KCND2: variants seen among roughly 807,000 people sequenced by gnomAD.
KCND2 encodes A-type voltage-gated potassium channel KCND2.
In KCND2, 16 loss-of-function variants were observed where a neutral mutation model predicts 54.4. The ratio of observed to expected loss-of-function variants is 0.29; its 90% confidence interval spans 0.20 to 0.45. The LOEUF is 0.45. KCND2 is among the 20% of genes least tolerant of loss of function. The pLI, the probability that KCND2 is intolerant of heterozygous loss-of-function variation, is 1.00. For missense variants in KCND2, 486 were observed against 824.2 expected (o/e 0.59, Z 5.02); for synonymous variants, 317 against 310.7 (o/e 1.02, Z -0.21).
Position 120,586,592 on chromosome 7 carries a change from C to T in KCND2, c.1116-146311C>T, listed in dbSNP as rs190557469. Among the ~76,000 whole-genome samples, 814 of 152,176 alleles carry T rather than the reference C, an allele frequency of 5.3e-3. 12 individuals carry two copies. The highest frequency in any genetic ancestry group is 0.017 in the African/African-American group (721 of 41,514). On this transcript the variant is annotated intron_variant, in intron 1 of 5. Transcript: ENST00000331113. Reference sequence around the variant, plus strand: ...CTCCCTTTTCTTTACTGTATGAGTCCGTATTCTTGCACATTTTGTAGACTG... The same window carrying T: ...CTCCCTTTTCTTTACTGTATGAGTCTGTATTCTTGCACATTTTGTAGACTG...
At chr7:120,721,998 A>G (rs975723812) in intron 1 of KCND2, among the ~76,000 whole-genome samples, 1 of 152,152 alleles carries the variant, frequency 6.6e-6, no homozygotes, top group Non-Finnish European at 1.5e-5. Flanking sequence ...GCCAGCTGCC[A>G]TGTAAGATGT....
In KCND2 at chr7:120,380,508, C is replaced by T. The variant is rs908758243; in HGVS notation, c.1115+104761C>T. On this transcript the variant is annotated intron_variant, in intron 1 of 5. Coordinates refer to ENST00000331113, the MANE Select transcript of KCND2 (RefSeq NM_012281.3). ...TTTGGGAAGTAAGAAAAATAAAAGA[C>T]AATACAAAACAATTGAAAGAGTCAC... 4.6e-5 allele frequency among the ~76,000 whole-genome samples: 7 copies of T among 151,910 alleles called. No homozygotes were observed. In the South Asian group the frequency reaches 6.2e-4, roughly 13 times the overall value.
At chr7:120,741,691 C>T in intron 3 of KCND2, 62 bp downstream of exon 3, 1 of 1,099,564 alleles carries the variant, frequency 9.1e-7, no homozygotes, top group South Asian at 1.3e-5. Context: ...TGATTTAGTT[C>T]TACTTTCCTA....
At chr7:120,528,130 C>G (rs1326917396) in intron 1 of KCND2, among the ~76,000 whole-genome samples, 1 of 152,114 alleles carries the variant, frequency 6.6e-6, no homozygotes, top group Admixed American at 6.6e-5. Flanking sequence ...CCAATACTCT[C>G]AGGCCCACAG....
chr7:120,343,538 G>A (rs1800271873), intron 1 of KCND2, among the ~76,000 whole-genome samples: 1 of 152,188 alleles, frequency 6.6e-6, no homozygotes, highest in South Asian at 2.1e-4. Context: ...TTAGTCTGAA[G>A]AGGAAATAGG....
chr7:120,487,620 C>T (rs894236915), intron 1 of KCND2, among the ~76,000 whole-genome samples: 6 of 152,234 alleles, frequency 3.9e-5, no homozygotes, highest in East Asian at 1.9e-4. Flanking sequence ...GTCTCCCTAC[C>T]CAGGTGGGAG....
chr7:120,359,369 C>T (rs1800557911), intron 1 of KCND2, among the ~76,000 whole-genome samples: 1 of 152,048 alleles, frequency 6.6e-6, no homozygotes, highest in African/African-American at 2.4e-5. Context: ...TTGACCTTTT[C>T]ATTATAGCAT....
chr7:120,448,555 T>G (rs936452366), intron 1 of KCND2, among the ~76,000 whole-genome samples: 1 of 152,082 alleles, frequency 6.6e-6, no homozygotes, highest in African/African-American at 2.4e-5. Flanking sequence ...AGTAAACGGA[T>G]GTCTAACTAA....
At chr7:120,371,075 T>C (rs1800757662) in intron 1 of KCND2, among the ~76,000 whole-genome samples, 1 of 152,084 alleles carries the variant, frequency 6.6e-6, no homozygotes. Flanking sequence ...TCTTGGGACA[T>C]GTCTCTATCG....
chr7:120,335,407 T>C (rs1415346775), intron 1 of KCND2, among the ~76,000 whole-genome samples: 2 of 148,342 alleles, frequency 1.3e-5, no homozygotes, highest in Non-Finnish European at 3.0e-5. Context: ...ATGAACCTGA[T>C]AGCAGGCCTT....
At chr7:120,403,583 G>A (rs948389523) in intron 1 of KCND2, among the ~76,000 whole-genome samples, 3 of 151,314 alleles carry the variant, frequency 2.0e-5, no homozygotes, top group Admixed American at 6.6e-5. Context: ...ACCTGCCTAG[G>A]CCTCCCAAAG....
chr7:120,322,237 T>C (rs1331395008), intron 1 of KCND2, among the ~76,000 whole-genome samples: 1 of 152,124 alleles, frequency 6.6e-6, no homozygotes, highest in Non-Finnish European at 1.5e-5. Context: ...ATAGCACTTT[T>C]CTATGTCAAA....
intron 1 of KCND2, among the ~76,000 whole-genome samples, chr7:120,487,197 C>T (rs929981713): frequency 1.3e-5 from 2 of 151,950 alleles, no homozygotes; most frequent in Non-Finnish European, 2.9e-5. Flanking sequence ...ATCTACTGCT[C>T]TTACTAGAAA....
At chr7:120,369,425 G>T (rs1323296511) in intron 1 of KCND2, among the ~76,000 whole-genome samples, 1 of 152,066 alleles carries the variant, frequency 6.6e-6, no homozygotes, top group African/African-American at 2.4e-5. Flanking sequence ...ATGCTTCACT[G>T]GTTGCAATTA....
chr7:120,699,384 T>C (rs1217209232), intron 1 of KCND2, among the ~76,000 whole-genome samples: 4 of 152,236 alleles, frequency 2.6e-5, no homozygotes, highest in African/African-American at 9.6e-5. Flanking sequence ...AAGCATTTCT[T>C]GAGCTTCTTA....
intron 1 of KCND2, among the ~76,000 whole-genome samples, chr7:120,567,022 A>G (rs1006518413): frequency 1.3e-5 from 2 of 152,148 alleles, no homozygotes; most frequent in African/African-American, 4.8e-5. Context: ...TTGCATTTTT[A>G]GAAATGGAAA....
chr7:120,385,279 C>T (rs1005677330), intron 1 of KCND2, among the ~76,000 whole-genome samples: 13 of 151,944 alleles, frequency 8.6e-5, no homozygotes, highest in African/African-American at 3.1e-4. Context: ...AGACATGAGC[C>T]ACCATGCCCG....
At chr7:120,727,164 A>G (rs1356556841) in intron 1 of KCND2, among the ~76,000 whole-genome samples, 1 of 152,200 alleles carries the variant, frequency 6.6e-6, no homozygotes, top group Non-Finnish European at 1.5e-5. Context: ...CTATATGAAT[A>G]GGACTAGGAA....
intron 2 of KCND2, among the ~76,000 whole-genome samples, chr7:120,738,479 A>G (rs531999944): frequency 3.3e-5 from 5 of 152,098 alleles, no homozygotes; most frequent in African/African-American, 9.7e-5. Context: ...TCCAAATACC[A>G]TCACCATTTA....
Sources: allele counts gnomAD v4.1 joint callset (sites outside exome capture counted in the v4.1 genomes callset), GRCh38; gene constraint gnomAD v4.1.1; transcripts MANE v1.5; gene names NCBI Gene and HGNC (gene_info 2026-07-23, HGNC 2026-07-21).